The following RAD54L variants were observed in gnomAD, a reference collection of about 807,000 sequenced individuals.
RAD54L encodes DNA repair and recombination protein RAD54-like.
RAD54L carries 74 observed loss-of-function variants against 91.6 expected under a neutral mutation model. That is an observed-to-expected ratio of 0.81 (90% CI 0.67 to 0.98). The LOEUF (loss-of-function observed/expected upper bound fraction) is 0.98. Among genes scored for constraint, RAD54L ranks in the 50% least tolerant of loss-of-function variants. RAD54L has a pLI of 0.00. For synonymous variants in RAD54L, 304 were observed against 349.7 expected (o/e 0.87, Z 1.46); for missense variants, 887 against 945.7 (o/e 0.94, Z 0.81).
At chr1:46,261,798 C>T (rs1453363893) in intron 8 of RAD54L, among the ~76,000 whole-genome samples, 2 of 152,104 alleles carry the variant, frequency 1.3e-5, no homozygotes, top group Admixed American at 1.3e-4. Flanking sequence ...GATCTGTAGC[C>T]TGTACTTTTT....
chr1:46,254,351 AG>A (rs374266730), intron 3 of RAD54L, among the ~76,000 whole-genome samples: 15 of 150,948 alleles, frequency 9.9e-5, no homozygotes, highest in African/African-American at 3.7e-4. Flanking sequence ...GGCCCACAAG[AG>A]TCATAGTGTG....
At chr1:46,261,143 T>C in intron 7 of RAD54L, 118 bp from the exon 8 acceptor site, 1 of 1,545,624 alleles carries the variant, frequency 6.5e-7, no homozygotes, top group South Asian at 1.2e-5. Flanking sequence ...CCATTGAAAA[T>C]AGTTGAAGTG....
chr1:46,274,196 G>A lies in RAD54L; in HGVS notation c.1669G>A (p.Glu557Lys). ...CATTAAGAAGCGAGCCAAGGTTGTA[G>A]AACGCTTCAATAGTCCATCGGTAAA... ...MSIKKRAKVV[E>K]RFNSPSSPDF... Residue 557 changes from glutamate to lysine, a missense_variant, in exon 15 of 18, where the codon GAA (glutamate) becomes AAA (lysine). By Grantham distance (56) the Glu-to-Lys change is moderately conservative. Coordinates refer to ENST00000371975, the MANE Select transcript of RAD54L (RefSeq NM_003579.4). 6.2e-7 allele frequency: 1 copy of A among 1,613,390 alleles called. No individual in the cohort carries two copies. The highest frequency in any genetic ancestry group is 1.1e-5 in the South Asian group (1 of 91,052).
Position 46,248,008 on chromosome 1 carries a change from C to T in RAD54L, c.-398C>T, listed in dbSNP as rs1458787893. Reference sequence around the variant, plus strand: ...CGGACTTTCACCCCAGCTTCTCTCTCCTGGCCAGTGATTACCCACCCCCAA... The same window carrying T: ...CGGACTTTCACCCCAGCTTCTCTCTTCTGGCCAGTGATTACCCACCCCCAA... On this transcript the variant is annotated 5_prime_UTR_variant, in exon 1 of 18. Coordinates refer to ENST00000371975, the MANE Select transcript of RAD54L (RefSeq NM_003579.4). 8.5e-6 allele frequency: 3 copies of T among 353,766 alleles called. No homozygotes were observed. Among genetic ancestry groups the T allele is most frequent in the Non-Finnish European group, 1.6e-5 (3 of 183,638 alleles). The allele number at this position is 353,766 out of a possible 1,614,324, so 21.9% of individuals were successfully genotyped here.
At position 46,260,796 on chromosome 1, in the gene RAD54L, G is replaced by A. The variant is rs2148288228; in HGVS notation, c.547G>A (p.Asp183Asn). The A allele has an allele frequency of 6.2e-7, 1 of 1,614,236 alleles. No individual in the cohort carries two copies. Among genetic ancestry groups the A allele is most frequent in the Non-Finnish European group, 8.5e-7 (1 of 1,180,052 alleles). ...IPGSHGCIMA[D>N]EMGLGKTLQC... ...TGGCAGCCATGGCTGCATCATGGCT[G>A]ATGAGATGGGCCTAGGAAAGACGCT... Residue 183 changes from aspartate to asparagine, a missense_variant, in exon 7 of 18, where the codon GAT becomes AAT. Asp to Asn is a conservative substitution (Grantham distance 23). Transcript: ENST00000371975.
chr1:46,272,898 G>A, intron 12 of RAD54L, 96 bp downstream of exon 12: 1 of 1,535,090 alleles, frequency 6.5e-7, no homozygotes, highest in Admixed American at 1.7e-5. Context: ...AACTCGTCCA[G>A]AGTCATCCTC....
rs2148298091 is a variant in RAD54L, at chr1:46,270,715, G to A, written c.1099G>A (p.Ala367Thr). The A allele has an allele frequency of 6.2e-7, 1 of 1,614,196 alleles. No individual in the cohort carries two copies. The highest frequency in any genetic ancestry group is 1.1e-5 in the South Asian group (1 of 91,078). ...ATTGCCAATTTTGAAGGGTCGAGACGCTGCTGCTAGTGAGGCAGACAGGCA... is the reference window on the plus strand; with the variant it reads ...ATTGCCAATTTTGAAGGGTCGAGACACTGCTGCTAGTGAGGCAGACAGGCA... ...FELPILKGRD[A>T]AASEADRQLG... The change falls in exon 10 of 18, where the codon GCT (alanine) becomes ACT (threonine). Residue 367 changes from alanine to threonine, a missense_variant. Ala to Thr is a moderately conservative substitution (Grantham distance 58). Transcript: ENST00000371975.
chr1:46,269,010 T>A (rs1207816755), intron 9 of RAD54L, among the ~76,000 whole-genome samples: 1 of 152,186 alleles, frequency 6.6e-6, no homozygotes, highest in Non-Finnish European at 1.5e-5. Context: ...AATGATTCTC[T>A]TGTATCAGCC....
At chr1:46,260,253 C>A (rs1306242570) in intron 5 of RAD54L, among the ~76,000 whole-genome samples, 154 bp downstream of exon 5, 1 of 152,120 alleles carries the variant, frequency 6.6e-6, no homozygotes, top group Non-Finnish European at 1.5e-5. Flanking sequence ...TGGGGAAGAG[C>A]CTGTGGTCAT....
At chr1:46,262,390 G>A (rs1230597996) in intron 8 of RAD54L, among the ~76,000 whole-genome samples, 1 of 152,092 alleles carries the variant, frequency 6.6e-6, no homozygotes, top group African/African-American at 2.4e-5. Flanking sequence ...CTGGGTGACA[G>A]AGCAAGACTC....
At chr1:46,248,727 GTACT>G (rs1659719264) in intron 2 of RAD54L, 129 bp downstream of exon 2, 2 of 802,944 alleles carry the variant, frequency 2.5e-6, no homozygotes, top group Admixed American at 4.0e-5. Flanking sequence ...CTTTTAGTGA[GTACT>G]TACTATGTGC....
intron 2 of RAD54L, 75 bp downstream of exon 2, chr1:46,248,673 G>A: frequency 7.4e-7 from 1 of 1,351,148 alleles, no homozygotes; most frequent in Non-Finnish European, 1.0e-6. Flanking sequence ...GGTTTCTAGG[G>A]TTACATAGCC....
intron 10 of RAD54L, among the ~76,000 whole-genome samples, chr1:46,271,008 G>T (rs1030533039): frequency 2.6e-5 from 4 of 152,212 alleles, no homozygotes; most frequent in African/African-American, 7.2e-5. Context: ...CTGTTTATCA[G>T]CCTGCTGAGG....
At position 46,248,262 on chromosome 1, in the gene RAD54L, C is replaced by T; in HGVS notation, c.-144C>T. ...AGTTCCTGGATGGATTCCCGCCATC[C>T]ATGCCCCCTCTTTAATTAGCCGGTC... On this transcript the variant is annotated 5_prime_UTR_variant, in exon 1 of 18. Coordinates refer to ENST00000371975, the MANE Select transcript of RAD54L (RefSeq NM_003579.4). 1 of 1,060,474 alleles carries T rather than the reference C, an allele frequency of 9.4e-7. No individual in the cohort carries two copies. Among genetic ancestry groups the T allele is most frequent in the South Asian group, 1.4e-5 (1 of 74,060 alleles). The allele number at this position is 1,060,474 out of a possible 1,614,324, so 65.7% of individuals were successfully genotyped here. A position where few individuals can be genotyped will look rare whatever the true frequency, so the allele number is the denominator to read the frequency against.
Position 46,248,331 on chromosome 1 carries a change from C to A in RAD54L, c.-75C>A. On this transcript the variant is annotated 5_prime_UTR_variant, in exon 1 of 18. Transcript: ENST00000371975. The stretch of plus-strand genomic sequence containing the variant: ...CCCCCTCTACAGATTAGACCCTGGT[C>A]CTACACTCTTAGCCGCTGCCTGCTT... 6.3e-7 allele frequency: 1 copy of A among 1,580,796 alleles called. No individual in the cohort carries two copies. The highest frequency in any genetic ancestry group is 8.7e-7 in the Non-Finnish European group (1 of 1,153,226).
chr1:46,277,827 T>C lies in RAD54L; in HGVS notation c.1880T>C (p.Ile627Thr), dbSNP rs775912587. The change falls in exon 17 of 18, where the codon ATT becomes ACT. Residue 627 changes from isoleucine (I) to threonine (T), a missense_variant. Physicochemically the swap from Ile to Thr is moderately conservative, Grantham distance 89. Transcript: ENST00000371975. ...YIYRLLSAGT[I>T]EEKIFQRQSH... ...CCTCCTCTTCCCCAGGCAGGGACCA[T>C]TGAGGAGAAGATCTTCCAGCGTCAG... 16 of 1,605,800 alleles carry C rather than the reference T, an allele frequency of 1.0e-5. No homozygotes were observed. Among genetic ancestry groups the C allele is most frequent in the Admixed American group, 1.7e-5 (1 of 59,992 alleles).
chr1:46,261,254 G>C lies in RAD54L; in HGVS notation c.767-7G>C, dbSNP rs1660114419. On this transcript the variant is annotated splice_polypyrimidine_tract_variant and splice_region_variant and intron_variant, in intron 7 of 17. Transcript: ENST00000371975. ...GAATTGTTCCCTTTACACCTTTTCT[G>C]TTGTAGAAGGATTCATGAACCAGCG... is the stretch of plus-strand genomic sequence containing the variant. The C allele has an allele frequency of 1.3e-6, 2 of 1,594,992 alleles. No individual in the cohort carries two copies. Among genetic ancestry groups the C allele is most frequent in the Non-Finnish European group, 1.7e-6 (2 of 1,173,506 alleles).
chr1:46,267,577 G>C lies in RAD54L; in HGVS notation c.1010G>C (p.Ser337Thr). The C allele has an allele frequency of 6.2e-7, 1 of 1,613,426 alleles. No individual in the cohort carries two copies. Among genetic ancestry groups the C allele is most frequent in the Non-Finnish European group, 8.5e-7 (1 of 1,179,402 alleles). ...CAGAATGATCTGCTTGAGTATTTCA[G>C]CTTGGTACATTTTGTTAATTCCGGC... ...PIQNDLLEYF[S>T]LVHFVNSGIL... is the part of the protein sequence containing the mutation. The change falls in exon 9 of 18, where the codon AGC (serine) becomes ACC (threonine). Residue 337 changes from serine to threonine, a missense_variant. Transcript: ENST00000371975.
intron 3 of RAD54L, among the ~76,000 whole-genome samples, chr1:46,254,740 C>T (rs1659895314): frequency 6.6e-6 from 1 of 152,062 alleles, no homozygotes; most frequent in Non-Finnish European, 1.5e-5. Flanking sequence ...GCGTGTGCCA[C>T]CAAACCTGGC....
Sources: gnomAD v4.1 joint callset for allele counts (sites outside exome capture counted in the v4.1 genomes callset) on GRCh38, gnomAD v4.1.1 for gene constraint, MANE v1.5 for transcripts, NCBI Gene and HGNC (gene_info 2026-07-23, HGNC 2026-07-21) for gene names.